Variants in KLF12 observed in about 807,000 individuals in gnomAD.
The protein encoded by KLF12 is Krueppel-like factor 12.
Under a neutral mutation model 37.8 loss-of-function variants are expected in KLF12, and 9 were observed. That is an observed-to-expected ratio of 0.24 (90% CI 0.14 to 0.42). The LOEUF (loss-of-function observed/expected upper bound fraction) is 0.42. Ranked by LOEUF, KLF12 falls within the 10% of genes least tolerant of loss-of-function variation. KLF12 has a pLI of 1.00. For synonymous variants in KLF12, 208 were observed against 202.1 expected, an observed-to-expected ratio of 1.03 and a Z score of -0.25; for missense variants, 411 against 516.0, an observed-to-expected ratio of 0.80 and a Z score of 1.97.
intron 1 of KLF12, among the ~76,000 whole-genome samples, chr13:74,123,621 G>A (rs1438372922): frequency 4.6e-5 from 7 of 152,186 alleles, no homozygotes; most frequent in African/African-American, 1.7e-4. Context: ...TCAACGGGTT[G>A]ATCTCTCTGG....
At chr13:74,154,299 T>C in the KLF12 span, among the ~76,000 whole-genome samples, 2 of 152,118 alleles carry the variant, frequency 1.3e-5, no homozygotes, top group Non-Finnish European at 2.9e-5. Context: ...TAAACATAAA[T>C]TGTATTGGTT....
chr13:73,843,045 A>T (rs1165455787), intron 4 of KLF12, among the ~76,000 whole-genome samples: 3 of 152,198 alleles, frequency 2.0e-5, no homozygotes, highest in Non-Finnish European at 4.4e-5. Flanking sequence ...AAAATATGGG[A>T]TGTCCTCAAA....
At chr13:74,161,304 C>T in the KLF12 span, among the ~76,000 whole-genome samples, 1,089 of 152,096 alleles carry the variant, frequency 7.2e-3, 9 homozygotes, top group African/African-American at 0.024. Context: ...AAAATAGGGT[C>T]TTTGCAGATG....
At chr13:74,302,327 A>G in the KLF12 span, among the ~76,000 whole-genome samples, 1 of 152,306 alleles carries the variant, frequency 6.6e-6, no homozygotes, top group East Asian at 1.9e-4. Flanking sequence ...TGTGAACTTC[A>G]CTTACAAAAA....
At chr13:73,761,092 G>A (rs1048716335) in intron 6 of KLF12, among the ~76,000 whole-genome samples, 12 of 152,122 alleles carry the variant, frequency 7.9e-5, no homozygotes, top group African/African-American at 2.7e-4. Context: ...GCTCTCCTGT[G>A]GGTCTGATAT....
the KLF12 span, among the ~76,000 whole-genome samples, chr13:74,151,754 A>G: frequency 2.0e-5 from 3 of 152,222 alleles, no homozygotes; most frequent in African/African-American, 7.2e-5. Context: ...GCTTATAAAT[A>G]TACAAATCAG....
At chr13:73,736,108 C>G (rs1342276132) in intron 6 of KLF12, among the ~76,000 whole-genome samples, 1 of 152,098 alleles carries the variant, frequency 6.6e-6, no homozygotes, top group Non-Finnish European at 1.5e-5. Context: ...AGATGAATCT[C>G]CTAGTCTCCA....
the KLF12 span, chr13:74,231,883 G>A: frequency 2.0e-5 from 3 of 152,242 alleles, no homozygotes; most frequent in African/African-American, 7.2e-5. Flanking sequence ...TTTTGTTATT[G>A]GTTTTTATTA....
intron 1 of KLF12, among the ~76,000 whole-genome samples, chr13:74,052,364 A>ACATTT (rs1872979093): frequency 6.6e-6 from 1 of 152,172 alleles, no homozygotes; most frequent in Non-Finnish European, 1.5e-5. Flanking sequence ...GATAATTCTG[A>ACATTT]GAATTACATT....
chr13:73,863,361 T>C (rs959404857), intron 3 of KLF12, among the ~76,000 whole-genome samples: 1 of 152,148 alleles, frequency 6.6e-6, no homozygotes, highest in Non-Finnish European at 1.5e-5. Context: ...CAGACAGGTT[T>C]GTGTACTGGT....
chr13:74,182,364 C>T, the KLF12 span, among the ~76,000 whole-genome samples: 1 of 152,188 alleles, frequency 6.6e-6, no homozygotes, highest in Non-Finnish European at 1.5e-5. Flanking sequence ...TTTATTTTCT[C>T]TGTCTATGGT....
chr13:74,052,798 T>C (rs887166992), intron 1 of KLF12, among the ~76,000 whole-genome samples: 5 of 152,172 alleles, frequency 3.3e-5, no homozygotes, highest in African/African-American at 9.7e-5. Context: ...AGATGAAAAG[T>C]TGAAGGGCAA....
chr13:74,203,570 T>C, the KLF12 span, among the ~76,000 whole-genome samples: 2 of 152,074 alleles, frequency 1.3e-5, no homozygotes, highest in Non-Finnish European at 2.9e-5. Context: ...ACAGCTGCCA[T>C]TGAGATGTAT....
At chr13:73,919,590 G>C (rs776518637) in intron 3 of KLF12, among the ~76,000 whole-genome samples, 41 of 152,134 alleles carry the variant, frequency 2.7e-4, no homozygotes, top group South Asian at 2.1e-4. Context: ...TCACTGTACA[G>C]TTTGCCCTAA....
At chr13:74,064,087 A>G (rs1873765744) in intron 1 of KLF12, among the ~76,000 whole-genome samples, 1 of 152,104 alleles carries the variant, frequency 6.6e-6, no homozygotes, top group Admixed American at 6.5e-5. Flanking sequence ...CCAAAAGAGG[A>G]AAAAAATCAC....
intron 2 of KLF12, among the ~76,000 whole-genome samples, chr13:73,971,035 T>C (rs1015897949): frequency 6.6e-6 from 1 of 152,144 alleles, no homozygotes; most frequent in Non-Finnish European, 1.5e-5. Context: ...AAAGTTAAAT[T>C]TTTATGGATT....
intron 1 of KLF12, among the ~76,000 whole-genome samples, chr13:74,022,604 C>A (rs1035547016): frequency 1.4e-4 from 21 of 151,582 alleles, no homozygotes; most frequent in Non-Finnish European, 1.5e-5. Flanking sequence ...TTCATGTGGG[C>A]CCAAGACAGG....
chr13:73,886,512 A>G (rs1887228896), intron 3 of KLF12, among the ~76,000 whole-genome samples: 1 of 152,140 alleles, frequency 6.6e-6, no homozygotes. Context: ...AAGAATAGCT[A>G]GTGGATGCTG....
chr13:74,256,258 G>A, the KLF12 span, among the ~76,000 whole-genome samples: 1 of 151,624 alleles, frequency 6.6e-6, no homozygotes, highest in Non-Finnish European at 1.5e-5. Context: ...ATGGCCCAGA[G>A]GATAAAAACA....
Sources: allele counts gnomAD v4.1 joint callset (sites outside exome capture counted in the v4.1 genomes callset), GRCh38; gene constraint gnomAD v4.1.1; transcripts MANE v1.5; gene names NCBI Gene and HGNC (gene_info 2026-07-23, HGNC 2026-07-21).